Variants in NRXN2 observed in about 807,000 individuals in gnomAD.
NRXN2 encodes neurexin-2-beta.
A neutral mutation model predicts 128.8 loss-of-function variants in NRXN2; 29 were observed. The observed-to-expected ratio is 0.23, with a 90% confidence interval of 0.17 to 0.31. NRXN2 has a LOEUF of 0.31. Ranked by LOEUF, NRXN2 falls within the 10% of genes least tolerant of loss-of-function variation. NRXN2 has a pLI of 1.00. For missense variants in NRXN2, 1,881 were observed against 2,452.6 expected, an observed-to-expected ratio of 0.77 and a Z score of 4.92; for synonymous variants, 1,098 against 1,075.2, an observed-to-expected ratio of 1.02 and a Z score of -0.41.
Position 64,660,265 on chromosome 11 carries a change from C to T in NRXN2, c.2389+67G>A. On this transcript the variant is annotated intron_variant, in intron 11 of 22. Coordinates refer to ENST00000265459, the MANE Select transcript of NRXN2 (RefSeq NM_015080.4). This position sits in a 1 kb window ranked among gnomAD's most constrained non-coding sequence, Gnocchi z 5.2. ...TGGTGCCACCACCAGCTTCTCCAGACAGAGGCAGGTGTGGGTCAGAGACAA... is the reference window on the plus strand; with the variant it reads ...TGGTGCCACCACCAGCTTCTCCAGATAGAGGCAGGTGTGGGTCAGAGACAA... 6.4e-7 allele frequency: 1 copy of T among 1,552,454 alleles called. No individual in the cohort carries two copies. Among genetic ancestry groups the T allele is most frequent in the Non-Finnish European group, 8.9e-7 (1 of 1,125,794 alleles).
intron 22 of NRXN2, among the ~76,000 whole-genome samples, chr11:64,615,984 G>A (rs886577530): frequency 7.3e-5 from 11 of 150,126 alleles, no homozygotes; most frequent in South Asian, 6.3e-4. Context: ...GCAGGTAAGC[G>A]TGTGTGTGTG....
At chr11:64,674,702 C>T (rs2051070330) in intron 7 of NRXN2, among the ~76,000 whole-genome samples, 1 of 152,210 alleles carries the variant, frequency 6.6e-6, no homozygotes, top group Non-Finnish European at 1.5e-5. Flanking sequence ...GCCAGAGATG[C>T]TGTGTTCTCC....
In NRXN2 at chr11:64,630,620, C is replaced by T. The variant is rs1031908655; in HGVS notation, c.3586-47G>A. ...TCAGCGACCAGAGGGAGCAACCATT[C>T]ATCCCTTCTAGTGGCTACTCCTGTG... On this transcript the variant is annotated intron_variant, in intron 18 of 22. Transcript: ENST00000265459. The surrounding 1 kb of genome is among the most constrained non-coding windows in gnomAD (Gnocchi z 4.6). 5.0e-6 allele frequency: 8 copies of T among 1,609,220 alleles called. No homozygotes were observed. Among genetic ancestry groups the T allele is most frequent in the African/African-American group, 1.3e-5 (1 of 74,838 alleles).
At chr11:64,642,475 G>A (rs2045844320) in intron 17 of NRXN2, 2 of 1,538,866 alleles carry the variant, frequency 1.3e-6, no homozygotes, top group Non-Finnish European at 1.7e-6. Flanking sequence ...GCCCAGCTGC[G>A]CACACGGGAA....
chr11:64,643,141 G>A (rs2046012184), intron 17 of NRXN2: 1 of 981,606 alleles, frequency 1.0e-6, no homozygotes, highest in East Asian at 1.2e-4. Context: ...GTGCCGAGTG[G>A]AGAGGGAGGG....
intron 15 of NRXN2, among the ~76,000 whole-genome samples, chr11:64,650,236 C>G (rs1463277466): frequency 6.6e-6 from 1 of 152,112 alleles, no homozygotes; most frequent in African/African-American, 2.4e-5. Flanking sequence ...ATCCTGCAAC[C>G]AGGCTTTCAG....
chr11:64,685,765 C>A lies in NRXN2; in HGVS notation c.1033G>T (p.Ala345Ser). 6 of 1,614,216 alleles carry A rather than the reference C, an allele frequency of 3.7e-6. No individual in the cohort carries two copies. The highest frequency in any genetic ancestry group is 1.3e-5 in the African/African-American group (1 of 75,038). Residue 345 changes from alanine (A) to serine (S), a missense_variant, in exon 6 of 23, where the codon GCT becomes TCT. Ala to Ser is a moderately conservative substitution (Grantham distance 99). This residue lies in a region of NRXN2 where 997 missense variants were observed against 1,240.8 expected (regional missense o/e 0.80). Transcript: ENST00000265459. ...DYVNLSLKSGAVWLVINLGSG... is the reference protein window; with the variant it reads ...DYVNLSLKSGSVWLVINLGSG... ...CCTAGGTTGATGACCAGCCAGACAG[C>A]CCCAGACTTGAGGGACAGGTTGACG...
chr11:64,722,789 A>C (rs1371046620), intron 1 of NRXN2, among the ~76,000 whole-genome samples, 182 bp downstream of exon 1: 4 of 107,332 alleles, frequency 3.7e-5, no homozygotes, highest in South Asian at 3.4e-4. Context: ...GGAGCCTCCG[A>C]CCCCCAAGCC....
chr11:64,708,402 C>T (rs1227787085), intron 2 of NRXN2, among the ~76,000 whole-genome samples: 4 of 152,162 alleles, frequency 2.6e-5, no homozygotes, highest in Non-Finnish European at 5.9e-5. Context: ...TTCTTTAATC[C>T]CTTTTTAGCC....
At position 64,651,583 on chromosome 11, in the gene NRXN2, T is replaced by A. The variant is rs776327657; in HGVS notation, c.2590A>T (p.Ile864Phe). 2.5e-6 allele frequency: 4 copies of A among 1,613,994 alleles called. No individual in the cohort carries two copies. Among genetic ancestry groups the A allele is most frequent in the Non-Finnish European group, 3.4e-6 (4 of 1,180,020 alleles). The change falls in exon 14 of 23, where the codon ATC becomes TTC. Residue 864 changes from isoleucine (I) to phenylalanine (F), a missense_variant. This residue lies in a region of NRXN2 where 390 missense variants were observed against 599.6 expected (regional missense o/e 0.65). Coordinates refer to ENST00000265459, the MANE Select transcript of NRXN2 (RefSeq NM_015080.4). The surrounding 1 kb of genome is among the most constrained non-coding windows in gnomAD (Gnocchi z 5.9). ...RLEFHNIETG[I>F]MTERRFISVV... Reference sequence around the variant, plus strand: ...GAGATAAACCGCCGCTCCGTCATGATGCCCGTCTCAATGTTGTGGAACTCC... The same window carrying A: ...GAGATAAACCGCCGCTCCGTCATGAAGCCCGTCTCAATGTTGTGGAACTCC...
At chr11:64,629,020 G>A (rs2043482073) in intron 19 of NRXN2, among the ~76,000 whole-genome samples, 1 of 152,150 alleles carries the variant, frequency 6.6e-6, no homozygotes, top group Non-Finnish European at 1.5e-5. Flanking sequence ...TTATCTCCAG[G>A]GACTTTCCAG....
chr11:64,674,894 G>C (rs1274985255), intron 7 of NRXN2, among the ~76,000 whole-genome samples: 1 of 152,214 alleles, frequency 6.6e-6, no homozygotes, highest in African/African-American at 2.4e-5. Flanking sequence ...AGGCAATGCA[G>C]GTATACTACC....
intron 9 of NRXN2, among the ~76,000 whole-genome samples, chr11:64,666,798 C>A (rs1372440795): frequency 1.3e-5 from 2 of 151,800 alleles, no homozygotes; most frequent in East Asian, 3.9e-4. Context: ...CTCCTGACCT[C>A]CTGATCTGCC....
intron 9 of NRXN2, among the ~76,000 whole-genome samples, chr11:64,663,232 T>C (rs2049307832): frequency 6.6e-6 from 1 of 152,036 alleles, no homozygotes; most frequent in African/African-American, 2.4e-5. Flanking sequence ...TAGCCGGGCA[T>C]GGTGGGCATC....
chr11:64,653,774 C>G, intron 11 of NRXN2, 52 bp from the exon 12 acceptor site: 1 of 1,319,858 alleles, frequency 7.6e-7, no homozygotes, highest in Non-Finnish European at 1.1e-6. Context: ...AAAGGTAAAA[C>G]AAGTTTTTTT....
At chr11:64,608,494 C>CTTTTTTTT (rs58638827) in intron 22 of NRXN2, among the ~76,000 whole-genome samples, 4 of 111,174 alleles carry the variant, frequency 3.6e-5, no homozygotes, top group East Asian at 4.9e-4. Context: ...TCTTTTTTTG[C>CTTTTTTTT]TTTTTTTTTT....
rs2039623915 is a variant in NRXN2, at chr11:64,606,258, CAA to C, written c.*936_*937del. On this transcript the variant is annotated 3_prime_UTR_variant, in exon 23 of 23. Coordinates refer to ENST00000265459, the MANE Select transcript of NRXN2 (RefSeq NM_015080.4). ...TCCAAGACTCAGACACATTTGTTAA[CAA>C]AGAGAGAAAAAAAACTGGGGGAGCA... 1 of 152,536 alleles carries C rather than the reference CAA, an allele frequency of 6.6e-6. No homozygotes were observed. The highest frequency in any genetic ancestry group is 1.5e-5 in the Non-Finnish European group (1 of 67,992). 9.4% of individuals were successfully genotyped at this position (152,536 alleles called of 1,614,324 possible). A position where few individuals can be genotyped will look rare whatever the true frequency, so the allele number is the denominator to read the frequency against.
At chr11:64,612,936 C>T (rs912005174) in intron 22 of NRXN2, among the ~76,000 whole-genome samples, 1 of 152,250 alleles carries the variant, frequency 6.6e-6, no homozygotes, top group Non-Finnish European at 1.5e-5. Context: ...GGACACGGTC[C>T]TGTTCTGGTG....
chr11:64,676,935 G>A (rs370558214), intron 7 of NRXN2, 58 bp downstream of exon 7: 65 of 1,413,172 alleles, frequency 4.6e-5, no homozygotes, highest in Non-Finnish European at 5.6e-5. Context: ...AGGGAGAATC[G>A]AACAGTTAAA....
Sources: gnomAD v4.1 joint callset for allele counts (sites outside exome capture counted in the v4.1 genomes callset) on GRCh38, gnomAD v4.1.1 for gene constraint, gnomAD v4.1.1 regional missense constraint, Gnocchi (gnomAD v3.1) non-coding constraint, MANE v1.5 for transcripts, NCBI Gene and HGNC (gene_info 2026-07-23, HGNC 2026-07-21) for gene names.